Variants in CDHR1 observed in about 807,000 individuals in gnomAD.
CDHR1 encodes the protein cadherin-related family member 1.
In CDHR1, 61 loss-of-function variants were observed where a neutral mutation model predicts 72.1. The ratio of observed to expected loss-of-function variants is 0.85; its 90% CI spans 0.69 to 1.05. CDHR1 has a LOEUF of 1.05. CDHR1 is among the 50% of genes least tolerant of loss of function. CDHR1 has a pLI of 0.00. For synonymous variants in CDHR1, 470 were observed against 448.1 expected (o/e 1.05, Z -0.62); for missense variants, 1,186 against 1,115.7 (o/e 1.06, Z -0.90).
chr10:84,201,988 T>C, intron 7 of CDHR1, 68 bp downstream of exon 7: 7 of 1,206,688 alleles, frequency 5.8e-6, no homozygotes, highest in Non-Finnish European at 8.4e-6. Flanking sequence ...AGTTAGGTTC[T>C]ACAGGGGAGT....
rs76117770 is a variant in CDHR1, at chr10:84,206,804, C to A, written c.963+877C>A. ...AGCCAGAATTTGAGAACTCTGGTCT[C>A]AACTTGGGTTCAGAGGGAACTAGAT... On this transcript the variant is annotated intron_variant, in intron 10 of 16. Transcript: ENST00000623527. Among the ~76,000 whole-genome samples, 503 of 152,252 alleles carry A rather than the reference C, an allele frequency of 3.3e-3. 2 individuals carry two copies. The highest frequency in any genetic ancestry group is 0.011 in the African/African-American group (475 of 41,528).
rs1035701921 is a variant in CDHR1, at chr10:84,216,971, C to T, written c.*2350C>T. The T allele has an allele frequency of 2.8e-5, 28 of 985,306 alleles. No homozygotes were observed. The highest frequency in any genetic ancestry group is 1.1e-4 in the East Asian group (1 of 8,814). The allele number at this position is 985,306 out of a possible 1,614,324, so 61.0% of individuals were successfully genotyped here. On this transcript the variant is annotated 3_prime_UTR_variant, in exon 17 of 17. Transcript: ENST00000623527. ...TTGGGCTTGCAAGTGGATCCGGGAC[C>T]GAGGGTGGTCTCTTGGACAACCCCA...
In CDHR1 at chr10:84,213,195, C is replaced by A; in HGVS notation, c.1887C>A (p.Ile629=). The A allele has an allele frequency of 6.2e-7, 1 of 1,614,254 alleles. No homozygotes were observed. The highest frequency in any genetic ancestry group is 8.5e-7 in the Non-Finnish European group (1 of 1,180,050). Residue 629 remains isoleucine (I), a synonymous_variant, in exon 16 of 17, where the codon ATC becomes ATA. Transcript: ENST00000623527. The part of the protein sequence containing the change: ...VFDINSHTGE[I]WLKNSIRSLD... The stretch of plus-strand genomic sequence containing the variant: ...ACATCAATTCCCACACGGGGGAGAT[C>A]TGGCTCAAGAATTCCATCCGCTCCC...
In CDHR1 at chr10:84,200,598, C is replaced by G. The variant is rs747950039; in HGVS notation, c.439-3C>G. ...CCCTCCCCTGTGGCTGTGACCCCCT[C>G]AGGACATACCTGCTGGGAGCATCAT... On this transcript the variant is annotated splice_region_variant and splice_polypyrimidine_tract_variant and intron_variant, in intron 5 of 16. Transcript: ENST00000623527. 4 of 1,607,166 alleles carry G rather than the reference C, an allele frequency of 2.5e-6. No individual in the cohort carries two copies. In the South Asian group the frequency reaches 4.5e-5, roughly 18 times the overall value.
intron 2 of CDHR1, among the ~76,000 whole-genome samples, chr10:84,196,195 C>T (rs957081619): frequency 2.0e-5 from 3 of 152,148 alleles, no homozygotes; most frequent in Non-Finnish European, 4.4e-5. Context: ...GAGTTATTAC[C>T]AGGCTGAGCA....
At chr10:84,197,958 C>T in intron 4 of CDHR1, 122 bp downstream of exon 4, 3 of 922,164 alleles carry the variant, frequency 3.3e-6, no homozygotes, top group Non-Finnish European at 3.5e-6. Context: ...AGCTAGGGCC[C>T]AGCAAGACCT....
At chr10:84,197,678 C>G in intron 3 of CDHR1, 108 bp from the exon 4 acceptor site, 2 of 1,044,894 alleles carry the variant, frequency 1.9e-6, no homozygotes, top group Non-Finnish European at 3.0e-6. Flanking sequence ...ATTGGCACGC[C>G]CAGACCTCCT....
rs200386546 is a variant in CDHR1 at position 84,203,164 on chromosome 10, C to T, written c.783+41C>T. On this transcript the variant is annotated intron_variant, in intron 8 of 16. Transcript: ENST00000623527. ...CCTCAGCCAGCGATCCCTCCAAATG[C>T]CTCCTGCCCTGACCCTTGTGATTTT... 1.4e-5 allele frequency: 23 copies of T among 1,613,004 alleles called. No homozygotes were observed. The East Asian group carries it at 4.2e-4, about 30-fold the overall frequency.
At chr10:84,210,149 GGCAGACGTT>G (rs1285605211) in intron 12 of CDHR1, among the ~76,000 whole-genome samples, 2 of 152,242 alleles carry the variant, frequency 1.3e-5, no homozygotes, top group Non-Finnish European at 2.9e-5. Flanking sequence ...GAGCCTGGGA[GGCAGACGTT>G]GCAGTGAGCT....
chr10:84,203,349 G>A (rs936244189), intron 8 of CDHR1, among the ~76,000 whole-genome samples: 5 of 152,142 alleles, frequency 3.3e-5, no homozygotes, highest in Non-Finnish European at 4.4e-5. Context: ...GCCAGGCCTC[G>A]CTAGGCTACA....
Position 84,205,907 on chromosome 10 carries a change from G to T in CDHR1, c.943G>T (p.Val315Leu). ...GAGCCCGGCCCAGCTCCAGAGAGAG[G>T]TGTATGAGCTGCATGTACAGGTACC... ...TQSPAQLQREVYELHVQVTEM... is the reference protein window; with the variant it reads ...TQSPAQLQRELYELHVQVTEM... Residue 315 changes from valine (V) to leucine (L), a missense_variant, in exon 10 of 17, where the codon GTG becomes TTG. Coordinates refer to ENST00000623527, the MANE Select transcript of CDHR1 (RefSeq NM_033100.4). 6.2e-7 allele frequency: 1 copy of T among 1,613,860 alleles called. No homozygotes were observed. Among genetic ancestry groups the T allele is most frequent in the East Asian group, 2.2e-5 (1 of 44,884 alleles).
intron 12 of CDHR1, among the ~76,000 whole-genome samples, chr10:84,210,041 A>G (rs910234942): frequency 3.3e-5 from 5 of 152,158 alleles, no homozygotes; most frequent in Non-Finnish European, 7.3e-5. Context: ...GCAACACGGC[A>G]AAAGCCCATC....
In CDHR1 at chr10:84,208,346, G is replaced by A. The variant is rs776332250; in HGVS notation, c.1136G>A (p.Gly379Asp). 1.3e-5 allele frequency: 21 copies of A among 1,614,016 alleles called. No individual in the cohort carries two copies. Among genetic ancestry groups the A allele is most frequent in the Admixed American group, 1.7e-5 (1 of 59,986 alleles). Residue 379 changes from glycine to aspartate, a missense_variant, in exon 11 of 17, where the codon GGC becomes GAC. Transcript: ENST00000623527. ...CCACCCCAGGGAGAGATCCTGCGGG[G>A]CCTCAAGATCACCGTCAATGACTCC... ...EHPPQGEILR[G>D]LKITVNDSDQ...
rs1189850562 is a variant in CDHR1 at position 84,214,136 on chromosome 10, A to C, written c.2095A>C (p.Met699Leu). ...CCTGATACAGACCAAGGACAACCCC[A>C]TGAAGGCCGTGGGTGTGCTGGCCGG... ...AFLIQTKDNP[M>L]KAVGVLAGTM... The change falls in exon 17 of 17, where the codon ATG becomes CTG. Residue 699 changes from methionine (M) to leucine (L), a missense_variant. Met to Leu is a conservative substitution (Grantham distance 15, BLOSUM62 2). Coordinates refer to ENST00000623527, the MANE Select transcript of CDHR1 (RefSeq NM_033100.4). The C allele has an allele frequency of 9.9e-6, 16 of 1,614,140 alleles. No individual in the cohort carries two copies. Among genetic ancestry groups the C allele is most frequent in the Non-Finnish European group, 1.4e-5 (16 of 1,180,026 alleles).
chr10:84,208,420 T>C, intron 11 of CDHR1, 43 bp downstream of exon 11: 1 of 1,601,196 alleles, frequency 6.2e-7, no homozygotes, highest in Non-Finnish European at 8.6e-7. Context: ...ACAAACGGTA[T>C]GAAGCCAAGG....
intron 3 of CDHR1, among the ~76,000 whole-genome samples, chr10:84,197,407 G>C (rs1382724569): frequency 1.3e-5 from 2 of 152,190 alleles, no homozygotes; most frequent in African/African-American, 4.8e-5. Flanking sequence ...GGAATGTGGA[G>C]AGGTGTGGAG....
chr10:84,201,297 C>T (rs900092892), intron 6 of CDHR1, among the ~76,000 whole-genome samples: 4 of 152,190 alleles, frequency 2.6e-5, no homozygotes, highest in African/African-American at 9.6e-5. Context: ...AGAAGGGCCC[C>T]CAGGGACCCT....
At chr10:84,213,959 C>G in intron 16 of CDHR1, 123 bp from the exon 17 acceptor site, 1 of 1,284,830 alleles carries the variant, frequency 7.8e-7, no homozygotes, top group Non-Finnish European at 1.1e-6. Flanking sequence ...CTATCAGATT[C>G]TCAAAGGGAC....
intron 8 of CDHR1, among the ~76,000 whole-genome samples, chr10:84,204,313 G>C (rs531424860): frequency 6.6e-6 from 1 of 152,316 alleles, no homozygotes; most frequent in South Asian, 2.1e-4. Context: ...TGGTGAGAAA[G>C]AAGCAGGGGC....
Sources: gnomAD v4.1 joint callset for allele counts (sites outside exome capture counted in the v4.1 genomes callset) on GRCh38, gnomAD v4.1.1 for gene constraint, MANE v1.5 for transcripts, NCBI Gene and HGNC (gene_info 2026-07-23, HGNC 2026-07-21) for gene names.